Variants in MNAT1 observed in about 807,000 individuals in gnomAD.
The protein encoded by MNAT1 is CDK-activating kinase assembly factor MAT1.
In MNAT1, 43 loss-of-function variants were observed where a neutral mutation model predicts 42.0. The observed-to-expected ratio is 1.02, with a 90% CI of 0.80 to 1.32. MNAT1 has a LOEUF of 1.32. MNAT1 is among the 40% of genes most tolerant of loss of function. The pLI is 0.00. For missense variants in MNAT1, 306 were observed against 350.4 expected (o/e 0.87, Z 1.01); for synonymous variants, 118 against 120.0 (o/e 0.98, Z 0.11).
At position 60,808,672 on chromosome 14, in the gene MNAT1, A is replaced by C; in HGVS notation, c.420+244A>C. On this transcript the variant is annotated intron_variant, in intron 4 of 7. Transcript: ENST00000261245. ...TCTTAAGGAAGTGGATCCGTAAGATAGGTGATTGTTAACGCTAGTTTTATC... is the reference window on the plus strand; with the variant it reads ...TCTTAAGGAAGTGGATCCGTAAGATCGGTGATTGTTAACGCTAGTTTTATC... 1.3e-5 allele frequency: 3 copies of C among 231,964 alleles called. 1 individual carries two copies. The allele number at this position is 231,964 out of a possible 1,614,324, so 14.4% of individuals were successfully genotyped here.
chr14:60,926,472 C>T (rs1566561445), intron 7 of MNAT1, among the ~76,000 whole-genome samples: 1 of 152,188 alleles, frequency 6.6e-6, no homozygotes, highest in Non-Finnish European at 1.5e-5. Context: ...ATTGGGGGTT[C>T]CCACAGACCA....
intron 6 of MNAT1, among the ~76,000 whole-genome samples, chr14:60,853,859 T>C (rs187643532): frequency 2.6e-5 from 4 of 152,190 alleles, no homozygotes; most frequent in Admixed American, 6.5e-5. Context: ...TTTTGATTTG[T>C]GTATGTTGAA....
intron 7 of MNAT1, among the ~76,000 whole-genome samples, chr14:60,963,047 T>C (rs970231362): frequency 6.6e-6 from 1 of 152,178 alleles, no homozygotes; most frequent in African/African-American, 2.4e-5. Flanking sequence ...AGTGGCGTGA[T>C]CTTGGCTCGC....
chr14:60,900,653 A>G (rs1325701371), intron 7 of MNAT1, among the ~76,000 whole-genome samples: 1 of 152,212 alleles, frequency 6.6e-6, no homozygotes, highest in Non-Finnish European at 1.5e-5. Flanking sequence ...CTCTGAACAC[A>G]GATTTTTCAA....
intron 7 of MNAT1, among the ~76,000 whole-genome samples, chr14:60,911,341 T>A (rs1007245439): frequency 6.6e-6 from 1 of 152,196 alleles, no homozygotes; most frequent in Non-Finnish European, 1.5e-5. Context: ...CTGCTCTGAC[T>A]TAGTTATGTC....
chr14:60,807,581 G>A (rs1338181053), intron 3 of MNAT1, among the ~76,000 whole-genome samples: 2 of 152,036 alleles, frequency 1.3e-5, no homozygotes, highest in African/African-American at 2.4e-5. Flanking sequence ...TTTTTTAATT[G>A]TTCAGAGTAT....
chr14:60,863,527 A>C (rs2034143307), intron 6 of MNAT1, among the ~76,000 whole-genome samples: 2 of 152,156 alleles, frequency 1.3e-5, no homozygotes, highest in Admixed American at 6.6e-5. Context: ...AAGCTGTTTT[A>C]CTAAACTCTC....
intron 1 of MNAT1, among the ~76,000 whole-genome samples, chr14:60,754,731 C>G (rs2030263979): frequency 1.3e-5 from 2 of 152,142 alleles, no homozygotes; most frequent in South Asian, 4.1e-4. Flanking sequence ...ATATGAACTA[C>G]TTTTATTCAG....
intron 1 of MNAT1, among the ~76,000 whole-genome samples, chr14:60,757,713 C>A (rs1237843620): frequency 2.0e-5 from 3 of 152,172 alleles, no homozygotes; most frequent in Admixed American, 6.5e-5. Context: ...GATTCCCTTT[C>A]TGTCCTTAAC....
intron 6 of MNAT1, among the ~76,000 whole-genome samples, chr14:60,846,316 C>G (rs1234646892): frequency 6.6e-6 from 1 of 151,412 alleles, no homozygotes; most frequent in Non-Finnish European, 1.5e-5. Context: ...CTTTTTTTTC[C>G]CTTGGCACAT....
intron 7 of MNAT1, among the ~76,000 whole-genome samples, chr14:60,906,579 G>A (rs929656947): frequency 1.3e-4 from 20 of 152,242 alleles, no homozygotes; most frequent in Admixed American, 1.2e-3. Context: ...ATTGGTTAAG[G>A]GGGGTATGAA....
chr14:60,871,457 G>A (rs959170098), intron 6 of MNAT1, among the ~76,000 whole-genome samples: 1 of 152,070 alleles, frequency 6.6e-6, no homozygotes, highest in African/African-American at 2.4e-5. Flanking sequence ...ACTTTTTATT[G>A]TCTGTCAGTT....
In MNAT1 at chr14:60,737,484, C is replaced by G. The variant is rs575301913; in HGVS notation, c.89+2533C>G. Among the ~76,000 whole-genome samples the G allele has an allele frequency of 2.0e-5, 3 of 152,016 alleles. No homozygotes were observed. The South Asian group carries it at 6.2e-4, about 32-fold the overall frequency. ...ATATGCATATGTTTTCCTCTTTTAA[C>G]AATTTGATAGTAGTCCATTGTTCAA... On this transcript the variant is annotated intron_variant, in intron 1 of 7. Coordinates refer to ENST00000261245, the MANE Select transcript of MNAT1 (RefSeq NM_002431.4).
chr14:60,950,681 C>T (rs2139603828), intron 7 of MNAT1, among the ~76,000 whole-genome samples: 1 of 152,144 alleles, frequency 6.6e-6, no homozygotes, highest in East Asian at 1.9e-4. Context: ...CCACTGTGGC[C>T]CAGGGAAGCC....
At chr14:60,879,347 T>G (rs183919045) in intron 6 of MNAT1, among the ~76,000 whole-genome samples, 4 of 152,316 alleles carry the variant, frequency 2.6e-5, no homozygotes, top group African/African-American at 7.2e-5. Context: ...TTAATACAAG[T>G]TTGTTTTGGT....
At chr14:60,743,190 C>T (rs1328476137) in intron 1 of MNAT1, among the ~76,000 whole-genome samples, 1 of 152,128 alleles carries the variant, frequency 6.6e-6, no homozygotes, top group East Asian at 1.9e-4. Flanking sequence ...AATATAGTCT[C>T]TTATTTTCAC....
intron 4 of MNAT1, among the ~76,000 whole-genome samples, chr14:60,810,715 G>C (rs1234685144): frequency 2.0e-5 from 3 of 152,074 alleles, no homozygotes; most frequent in Non-Finnish European, 4.4e-5. Context: ...AAAGATACTT[G>C]GTATGATTTC....
chr14:60,857,648 A>T (rs2033994135), intron 6 of MNAT1, among the ~76,000 whole-genome samples: 1 of 152,172 alleles, frequency 6.6e-6, no homozygotes. Flanking sequence ...ATAGGTATAC[A>T]TGTGCCATGT....
intron 1 of MNAT1, among the ~76,000 whole-genome samples, chr14:60,756,748 A>G (rs902739307): frequency 2.0e-5 from 3 of 152,180 alleles, no homozygotes; most frequent in Admixed American, 6.5e-5. Flanking sequence ...TTGGGGATTT[A>G]ATTATTAATA....
Sources: allele counts gnomAD v4.1 joint callset (sites outside exome capture counted in the v4.1 genomes callset), GRCh38; gene constraint gnomAD v4.1.1; transcripts MANE v1.5; gene names NCBI Gene and HGNC (gene_info 2026-07-23, HGNC 2026-07-21).